Variants in MMAB observed in about 807,000 individuals in gnomAD.
MMAB encodes metabolism of cobalamin associated B.
A neutral mutation model predicts 30.6 loss-of-function variants in MMAB; 17 were observed. The observed-to-expected ratio is 0.56, with a 90% CI of 0.38 to 0.83. The LOEUF (loss-of-function observed/expected upper bound fraction) is 0.83, where lower values mean the gene tolerates loss of function less well. Among genes scored for constraint, MMAB ranks in the 40% least tolerant of loss-of-function variants. The probability of loss-of-function intolerance (pLI) is 0.00; values close to 1 mark genes in which losing one functional copy is unlikely to be tolerated. For synonymous variants in MMAB, 134 were observed against 138.6 expected (o/e 0.97, Z 0.23); for missense variants, 311 against 331.6 (o/e 0.94, Z 0.48).
chr12:109,572,836 G>T (rs1322993189), intron 1 of MMAB, among the ~76,000 whole-genome samples: 1 of 152,216 alleles, frequency 6.6e-6, no homozygotes, highest in Non-Finnish European at 1.5e-5. Context: ...AGCTCAAAAA[G>T]TGGCATTTTC....
intron 7 of MMAB, 70 bp downstream of exon 7, chr12:109,560,970 T>TGGG: frequency 8.7e-6 from 7 of 808,168 alleles, no homozygotes; most frequent in Non-Finnish European, 1.4e-5. Context: ...CTCCTCTCCC[T>TGGG]CTCCCTCCCC....
rs749127574 is a variant in MMAB, at chr12:109,573,382, C to T, written c.99G>A (p.Gln33=). ...CTTCCACGCCCTGAGGGCCGCGGCT[C>T]TGGAAACGGGGATACAGGAGCCTGG... The part of the protein sequence containing the change: ...GAARLLYPRF[Q]SRGPQGVEDG... Residue 33 remains glutamine (Q), a synonymous_variant, in exon 1 of 9, where the codon CAG becomes CAA. Coordinates refer to ENST00000545712, the MANE Select transcript of MMAB (RefSeq NM_052845.4). 1.9e-6 allele frequency: 3 copies of T among 1,612,724 alleles called. No homozygotes were observed. The Admixed American group carries it at 5.0e-5, about 27-fold the overall frequency.
chr12:109,560,015 G>A (rs1284166007), intron 7 of MMAB, among the ~76,000 whole-genome samples: 1 of 152,250 alleles, frequency 6.6e-6, no homozygotes, highest in African/African-American at 2.4e-5. Context: ...GGACCTATCA[G>A]CTGCTCCGCC....
Position 109,561,299 on chromosome 12 carries a change from G to A in MMAB, c.519+121C>T, listed in dbSNP as rs1416102337. ...GGAGGGACCGGTGAGGACCTGGAGG[G>A]ACTTGGGGAACTGGAGGACAGCGTC... On this transcript the variant is annotated intron_variant, in intron 6 of 8. Transcript: ENST00000545712. The surrounding 1 kb of genome is among the most constrained non-coding windows in gnomAD (Gnocchi z 5.3). 1.9e-6 allele frequency: 3 copies of A among 1,561,738 alleles called. No homozygotes were observed. The South Asian group carries it at 3.5e-5, about 18-fold the overall frequency.
intron 4 of MMAB, chr12:109,564,887 T>C (rs2136203525): frequency 3.2e-6 from 2 of 626,382 alleles, no homozygotes; most frequent in Non-Finnish European, 5.7e-6. Flanking sequence ...TTATGTTACC[T>C]AGGCTCCTGG....
rs1407811483 is a variant in MMAB at position 109,558,894 on chromosome 12, C to T, written c.644+202G>A. ...GATCTAAATCTTATCGGGACAGGCA[C>T]AGGGCCCACCTTGTTCACCACTGCC... is the stretch of plus-strand genomic sequence containing the variant. On this transcript the variant is annotated intron_variant, in intron 8 of 8. Transcript: ENST00000545712. The surrounding 1 kb of genome is among the most constrained non-coding windows in gnomAD (Gnocchi z 4.3). 6.6e-6 allele frequency among the ~76,000 whole-genome samples: 1 copy of T among 152,162 alleles called. No individual in the cohort carries two copies.
Position 109,555,328 on chromosome 12 carries a change from G to A in MMAB, c.*1700C>T. ...GACGGAGTCTCACTCTATCAGCCAGGCTGGAGTGTCGTGTCACGATCTTGG... is the reference window on the plus strand; with the variant it reads ...GACGGAGTCTCACTCTATCAGCCAGACTGGAGTGTCGTGTCACGATCTTGG... On this transcript the variant is annotated 3_prime_UTR_variant, in exon 9 of 9. Transcript: ENST00000545712. 1 of 424,538 alleles carries A rather than the reference G, an allele frequency of 2.4e-6. No homozygotes were observed. The highest frequency in any genetic ancestry group is 4.5e-6 in the Non-Finnish European group (1 of 220,712). The allele number at this position is 424,538 out of a possible 1,614,324, so 26.3% of individuals were successfully genotyped here.
At position 109,554,962 on chromosome 12, in the gene MMAB, G is replaced by A. The variant is rs980971065; in HGVS notation, c.*2066C>T. On this transcript the variant is annotated 3_prime_UTR_variant, in exon 9 of 9. Transcript: ENST00000545712. ...GAACCGGGAGACAGATACAGAGGCG[G>A]GGGTCTGAGAACGCGACTGTTAACA... 1.3e-5 allele frequency: 6 copies of A among 454,128 alleles called. No homozygotes were observed. The highest frequency in any genetic ancestry group is 9.3e-5 in the South Asian group (6 of 64,480). The allele number at this position is 454,128 out of a possible 1,614,324, so 28.1% of individuals were successfully genotyped here. A position where few individuals can be genotyped will look rare whatever the true frequency, so the allele number is the denominator to read the frequency against.
intron 2 of MMAB, 86 bp downstream of exon 2, chr12:109,571,563 A>G: frequency 7.6e-7 from 1 of 1,322,742 alleles, no homozygotes; most frequent in Non-Finnish European, 1.1e-6. Context: ...ATTATACTTT[A>G]AAGTGGCTGC....
In MMAB at chr12:109,555,309, G is replaced by C. The variant is rs1592992830; in HGVS notation, c.*1719C>G. ...TTTTTTTTTTTTTTTTTGTGACGGA[G>C]TCTCACTCTATCAGCCAGGCTGGAG... On this transcript the variant is annotated 3_prime_UTR_variant, in exon 9 of 9. Transcript: ENST00000545712. 1 of 330,100 alleles carries C rather than the reference G, an allele frequency of 3.0e-6. No homozygotes were observed. Among genetic ancestry groups the C allele is most frequent in the African/African-American group, 6.3e-5 (1 of 15,980 alleles). The allele number at this position is 330,100 out of a possible 1,614,324, so 20.4% of individuals were successfully genotyped here. A position where few individuals can be genotyped will look rare whatever the true frequency, so the allele number is the denominator to read the frequency against.
Position 109,556,648 on chromosome 12 carries a change from TCA to T in MMAB, c.*378_*379del, listed in dbSNP as rs67024670. 0.072 allele frequency: 22,983 copies of T among 318,426 alleles called. 198 individuals are homozygous for T. The highest frequency in any genetic ancestry group is 0.12 in the South Asian group (5,130 of 42,848). The allele number at this position is 318,426 out of a possible 1,614,324, so 19.7% of individuals were successfully genotyped here. On this transcript the variant is annotated 3_prime_UTR_variant, in exon 9 of 9. Transcript: ENST00000545712. ...GAGCTGGCAGTGGGAGGGCTCTCTC[TCA>T]CACACACACACACACACACACACAC...
rs1003077550 is a variant in MMAB, at chr12:109,554,089, G to A, written c.*2939C>T. 2.0e-5 allele frequency: 9 copies of A among 454,006 alleles called. No individual in the cohort carries two copies. The highest frequency in any genetic ancestry group is 2.6e-5 in the Non-Finnish European group (6 of 226,804). 28.1% of individuals were successfully genotyped at this position (454,006 alleles called of 1,614,324 possible). ...GTAGTGATTAAAACGACTGTCAAGCGGCAGTGGGTGGGAGCTGAGGAGCAC... is the reference window on the plus strand; with the variant it reads ...GTAGTGATTAAAACGACTGTCAAGCAGCAGTGGGTGGGAGCTGAGGAGCAC... On this transcript the variant is annotated 3_prime_UTR_variant, in exon 9 of 9. Coordinates refer to ENST00000545712, the MANE Select transcript of MMAB (RefSeq NM_052845.4).
intron 4 of MMAB, among the ~76,000 whole-genome samples, chr12:109,562,539 C>T (rs745445518): frequency 4.0e-4 from 61 of 152,174 alleles, no homozygotes; most frequent in Non-Finnish European, 7.9e-4. Context: ...GCAGATGACA[C>T]GCATCACACA....
At chr12:109,565,498 G>C (rs1318288218) in intron 3 of MMAB, among the ~76,000 whole-genome samples, 1 of 152,200 alleles carries the variant, frequency 6.6e-6, no homozygotes, top group Non-Finnish European at 1.5e-5. Flanking sequence ...AGGGTGAGCA[G>C]TGACAGTCTC....
chr12:109,559,087 C>T lies in MMAB; in HGVS notation c.644+9G>A, dbSNP rs748589454. ...TTCAGAGAGGAACCCCCAGGTTCCA[C>T]GCGAGTACCTGTTTAAGAACTTGGC... On this transcript the variant is annotated intron_variant, in intron 8 of 8. Coordinates refer to ENST00000545712, the MANE Select transcript of MMAB (RefSeq NM_052845.4). 8.7e-6 allele frequency: 14 copies of T among 1,610,470 alleles called. No individual in the cohort carries two copies. Among genetic ancestry groups the T allele is most frequent in the Admixed American group, 8.3e-5 (5 of 59,992 alleles).
intron 2 of MMAB, among the ~76,000 whole-genome samples, chr12:109,570,405 T>G (rs967206479): frequency 2.0e-5 from 3 of 152,246 alleles, no homozygotes; most frequent in African/African-American, 7.2e-5. Context: ...TTCTTTTTAA[T>G]TGTGGTAACA....
rs1283241639 is a variant in MMAB at position 109,569,632 on chromosome 12, A to C, written c.197-769T>G. On this transcript the variant is annotated intron_variant, in intron 2 of 8. Coordinates refer to ENST00000545712, the MANE Select transcript of MMAB (RefSeq NM_052845.4). The surrounding 1 kb of genome is among the most constrained non-coding windows in gnomAD (Gnocchi z 4.1). ...TCTCCCCCAACCTCTGAGAAAGTGA[A>C]AACTGCCCCTGACAGTTTGGAGCTG... Among the ~76,000 whole-genome samples the C allele has an allele frequency of 6.6e-6, 1 of 152,202 alleles. No individual in the cohort carries two copies. The highest frequency in any genetic ancestry group is 1.5e-5 in the Non-Finnish European group (1 of 68,032).
chr12:109,560,383 A>G (rs938928902), intron 7 of MMAB, among the ~76,000 whole-genome samples: 2 of 152,266 alleles, frequency 1.3e-5, no homozygotes, highest in African/African-American at 4.8e-5. Flanking sequence ...AACAAGGAGT[A>G]AATGAAATTA....
In MMAB at chr12:109,571,656, T is replaced by C. The variant is rs2136210776; in HGVS notation, c.189A>G (p.Gly63=). 1 of 1,614,104 alleles carries C rather than the reference T, an allele frequency of 6.2e-7. No homozygotes were observed. The highest frequency in any genetic ancestry group is 1.1e-5 in the South Asian group (1 of 91,078). Residue 63 remains glycine (G), a synonymous_variant, in exon 2 of 9, where the codon GGA becomes GGG. Transcript: ENST00000545712. ...CACCTGTCCCCACCCTACCTTTGTC[T>C]CCCGTTTTGGTGTAAATCTTGGGGA... ...PRIPKIYTKT[G]DKGFSSTFTG... is the part of the protein sequence containing the mutation.
Sources: allele counts gnomAD v4.1 joint callset (sites outside exome capture counted in the v4.1 genomes callset), GRCh38; gene constraint gnomAD v4.1.1; non-coding constraint Gnocchi (gnomAD v3.1); transcripts MANE v1.5; gene names NCBI Gene and HGNC (gene_info 2026-07-23, HGNC 2026-07-21).